The following MTCL3 variants were observed in gnomAD, a reference collection of about 807,000 sequenced individuals.
MTCL3 encodes MTCL family member 3, also known as microtubule cross-linking factor 3.
the MTCL3 span, among the ~76,000 whole-genome samples, chr6:127,478,413 T>G: frequency 6.6e-6 from 1 of 152,314 alleles, no homozygotes; most frequent in African/African-American, 2.4e-5. Flanking sequence ...GACATTCTCA[T>G]GACAACCTCA....
the MTCL3 span, among the ~76,000 whole-genome samples, chr6:127,505,784 T>C: frequency 4.6e-5 from 7 of 152,192 alleles, no homozygotes; most frequent in Non-Finnish European, 7.3e-5. Flanking sequence ...ACTTGGAGTT[T>C]AATGCAACGC....
chr6:127,490,897 A>G, the MTCL3 span, among the ~76,000 whole-genome samples: 1 of 152,166 alleles, frequency 6.6e-6, no homozygotes. Flanking sequence ...CATTAACAGG[A>G]GTTTGGAAGA....
the MTCL3 span, among the ~76,000 whole-genome samples, chr6:127,494,785 C>A: frequency 1.3e-5 from 2 of 152,146 alleles, no homozygotes; most frequent in Non-Finnish European, 1.5e-5. Context: ...AAATCAAAGC[C>A]AACATGGTAA....
At chr6:127,498,753 A>G in the MTCL3 span, among the ~76,000 whole-genome samples, 1 of 152,214 alleles carries the variant, frequency 6.6e-6, no homozygotes, top group African/African-American at 2.4e-5. Context: ...AAAGAAATGA[A>G]TTACTGATAC....
the MTCL3 span, among the ~76,000 whole-genome samples, chr6:127,483,327 A>T: frequency 2.6e-5 from 4 of 152,210 alleles, no homozygotes; most frequent in African/African-American, 9.6e-5. Flanking sequence ...ATTCCACATC[A>T]CTGAAGGAAA....
At chr6:127,483,906 C>T in the MTCL3 span, among the ~76,000 whole-genome samples, 6 of 152,106 alleles carry the variant, frequency 3.9e-5, no homozygotes, top group Non-Finnish European at 8.8e-5. Flanking sequence ...TGAAACTTAG[C>T]AGGGGAGGAG....
the MTCL3 span, among the ~76,000 whole-genome samples, chr6:127,478,445 T>A: frequency 1.3e-5 from 2 of 152,114 alleles, no homozygotes; most frequent in African/African-American, 4.8e-5. Flanking sequence ...TTAACTAAAT[T>A]GAAAAGTACA....
the MTCL3 span, chr6:127,476,128 G>C: frequency 1.2e-6 from 2 of 1,614,146 alleles, no homozygotes; most frequent in East Asian, 4.5e-5. This position sits in a 1 kb window ranked among gnomAD's most constrained non-coding sequence, Gnocchi z 4.4. Context: ...CCTCATGAGC[G>C]GGTTGGCCGA....
the MTCL3 span, among the ~76,000 whole-genome samples, chr6:127,497,016 G>T: frequency 1.3e-5 from 2 of 152,094 alleles, no homozygotes; most frequent in East Asian, 3.9e-4. Flanking sequence ...GGTAGTCAAA[G>T]GGAAGGAAGA....
the MTCL3 span, among the ~76,000 whole-genome samples, chr6:127,507,368 G>T: frequency 6.6e-6 from 1 of 152,090 alleles, no homozygotes; most frequent in Non-Finnish European, 1.5e-5. Flanking sequence ...ATGTAAATAA[G>T]AAATTTGAAA....
chr6:127,516,774 C>T, the MTCL3 span: 10 of 1,268,828 alleles, frequency 7.9e-6, no homozygotes, highest in Non-Finnish European at 1.1e-5. Context: ...TGATATTGCT[C>T]CATTTGGATG....
the MTCL3 span, among the ~76,000 whole-genome samples, chr6:127,513,679 A>G: frequency 6.6e-6 from 1 of 152,170 alleles, no homozygotes; most frequent in Non-Finnish European, 1.5e-5. Context: ...TTTGGAAGAA[A>G]AGTGGAGCAG....
At chr6:127,480,512 T>C in the MTCL3 span, among the ~76,000 whole-genome samples, 2 of 152,206 alleles carry the variant, frequency 1.3e-5, no homozygotes, top group Admixed American at 1.3e-4. Context: ...AGTTGGACCA[T>C]ATGAAATTGC....
At chr6:127,477,804 A>T in the MTCL3 span, among the ~76,000 whole-genome samples, 104 of 152,272 alleles carry the variant, frequency 6.8e-4, no homozygotes, top group African/African-American at 2.1e-3. Flanking sequence ...GTCCTTCAAG[A>T]TAGGTGATGC....
At chr6:127,509,570 C>T in the MTCL3 span, among the ~76,000 whole-genome samples, 1 of 152,204 alleles carries the variant, frequency 6.6e-6, no homozygotes, top group African/African-American at 2.4e-5. Context: ...TTTGACTTTA[C>T]TCTATAACTA....
chr6:127,479,296 A>C, the MTCL3 span, among the ~76,000 whole-genome samples: 1 of 152,176 alleles, frequency 6.6e-6, no homozygotes. Flanking sequence ...TCTCGTTGCC[A>C]TCTTGGTTTT....
chr6:127,501,503 G>C, the MTCL3 span, among the ~76,000 whole-genome samples: 2 of 152,082 alleles, frequency 1.3e-5, no homozygotes, highest in African/African-American at 4.8e-5. Context: ...ATTATTCAAG[G>C]TTCTTGGCTA....
the MTCL3 span, among the ~76,000 whole-genome samples, chr6:127,477,074 T>C: frequency 2.8e-4 from 43 of 152,386 alleles, no homozygotes; most frequent in South Asian, 5.8e-3. Flanking sequence ...TCTTGATTTC[T>C]GTGTCACTTA....
chr6:127,506,479 T>G, the MTCL3 span, among the ~76,000 whole-genome samples: 3 of 152,188 alleles, frequency 2.0e-5, no homozygotes, highest in South Asian at 4.1e-4. Context: ...ATCCCTTGGA[T>G]TAAGTTTTTC....
Sources: allele counts gnomAD v4.1 joint callset (sites outside exome capture counted in the v4.1 genomes callset), GRCh38; gene constraint gnomAD v4.1.1; non-coding constraint Gnocchi (gnomAD v3.1); transcripts MANE v1.5; gene names NCBI Gene and HGNC (gene_info 2026-07-23, HGNC 2026-07-21).